Variants in PCDHGB4 observed in about 807,000 individuals in gnomAD.
PCDHGB4 encodes protocadherin gamma subfamily B, 4, also known as protocadherin gamma-B4.
A neutral mutation model predicts 60.5 loss-of-function variants in PCDHGB4; 38 were observed. The ratio of observed to expected loss-of-function variants is 0.63; its 90% CI spans 0.48 to 0.82. PCDHGB4 has a LOEUF of 0.82. PCDHGB4 is among the 40% of genes least tolerant of loss of function. PCDHGB4 has a pLI of 0.00. For missense variants in PCDHGB4, 1,109 were observed against 1,209.6 expected (o/e 0.92, Z 1.23); for synonymous variants, 456 against 509.7 (o/e 0.89, Z 1.42).
chr5:141,427,483 A>G lies in PCDHGB4; in HGVS notation c.2397+37202A>G, dbSNP rs759092057. The G allele has an allele frequency of 1.5e-4, 79 of 535,350 alleles. 2 individuals carry two copies. The highest frequency in any genetic ancestry group is 1.1e-3 in the South Asian group (73 of 65,268). 33.2% of individuals were successfully genotyped at this position (535,350 alleles called of 1,614,324 possible). ...ATCGAATCTTCCGCCAATAATGACT[A>G]TAAGCTTGTAACAGATGGGACCCTG... On this transcript the variant is annotated intron_variant, in intron 1 of 3. Coordinates refer to ENST00000519479, the MANE Select transcript of PCDHGB4 (RefSeq NM_003736.4).
intron 1 of PCDHGB4, chr5:141,404,513 G>A: frequency 1.2e-6 from 2 of 1,613,786 alleles, no homozygotes; most frequent in Non-Finnish European, 1.7e-6. Context: ...GTGCTCCTTT[G>A]ACTATGAGCA....
chr5:141,405,056 T>A (rs770920034), intron 1 of PCDHGB4: 8 of 1,613,836 alleles, frequency 5.0e-6, no homozygotes, highest in Non-Finnish European at 6.8e-6. Context: ...AGTCGTCTCC[T>A]GTGTCTTCCT....
rs774780380 is a variant in PCDHGB4 at position 141,432,864 on chromosome 5, G to C, written c.2397+42583G>C. Reference sequence around the variant, plus strand: ...GTGGTAGCGGTGGCCGCGGTCTCCTGCGTCTTCCTGGCCTTCGTCATCTTG... The same window carrying C: ...GTGGTAGCGGTGGCCGCGGTCTCCTCCGTCTTCCTGGCCTTCGTCATCTTG... On this transcript the variant is annotated intron_variant, in intron 1 of 3. Coordinates refer to ENST00000519479, the MANE Select transcript of PCDHGB4 (RefSeq NM_003736.4). The surrounding 1 kb of genome is among the most constrained non-coding windows in gnomAD (Gnocchi z 6.0). 6.2e-7 allele frequency: 1 copy of C among 1,614,168 alleles called. No homozygotes were observed.
chr5:141,394,865 G>T (rs2093117021), intron 1 of PCDHGB4: 1 of 1,613,816 alleles, frequency 6.2e-7, no homozygotes, highest in Non-Finnish European at 8.5e-7. Flanking sequence ...CGGTCGACCC[G>T]AACGATTCGA....
At chr5:141,461,185 C>T (rs2154567265) in intron 1 of PCDHGB4, among the ~76,000 whole-genome samples, 1 of 152,134 alleles carries the variant, frequency 6.6e-6, no homozygotes, top group East Asian at 1.9e-4. Context: ...AATGGTAGAT[C>T]TGTTTTTTGC....
intron 1 of PCDHGB4, among the ~76,000 whole-genome samples, chr5:141,459,111 A>G (rs2098961190): frequency 1.3e-5 from 2 of 152,218 alleles, no homozygotes; most frequent in Non-Finnish European, 2.9e-5. Flanking sequence ...CATTTTGACA[A>G]TTGTTTACAT....
At chr5:141,443,547 T>C (rs1210940890) in intron 1 of PCDHGB4, among the ~76,000 whole-genome samples, 2 of 152,192 alleles carry the variant, frequency 1.3e-5, no homozygotes, top group Non-Finnish European at 2.9e-5. Context: ...TGGGAAATTG[T>C]TCCAATTCAA....
At chr5:141,419,084 G>A in intron 1 of PCDHGB4, 2 of 1,613,920 alleles carry the variant, frequency 1.2e-6, no homozygotes, top group Non-Finnish European at 1.7e-6. Flanking sequence ...AACAGATGAG[G>A]CCCTGGATCG....
chr5:141,450,900 C>T (rs907024071), intron 1 of PCDHGB4, among the ~76,000 whole-genome samples: 9 of 151,048 alleles, frequency 6.0e-5, no homozygotes, highest in Non-Finnish European at 1.2e-4. Flanking sequence ...TATCGGCTCA[C>T]TGCAACCGCT....
Position 141,512,270 on chromosome 5 carries a change from G to C in PCDHGB4, c.*1097G>C, listed in dbSNP as rs1188941232. On this transcript the variant is annotated 3_prime_UTR_variant, in exon 4 of 4. Transcript: ENST00000519479. ...TCTGTGGGTGCTGGGTACTCCAGAG[G>C]TGCCACTGGTGGAAGGGTCAGCGGA... 6.5e-6 allele frequency: 1 copy of C among 152,714 alleles called. No homozygotes were observed. The highest frequency in any genetic ancestry group is 2.4e-5 in the African/African-American group (1 of 41,452). The allele number at this position is 152,714 out of a possible 1,614,324, so 9.5% of individuals were successfully genotyped here. A position where few individuals can be genotyped will look rare whatever the true frequency, so the allele number is the denominator to read the frequency against.
At chr5:141,409,434 A>T in intron 1 of PCDHGB4, 2 of 1,613,992 alleles carry the variant, frequency 1.2e-6, no homozygotes, top group Non-Finnish European at 1.7e-6. Context: ...GGAGCCCTGG[A>T]CCGAGAGCAG....
At chr5:141,467,571 A>G (rs1228156610) in intron 1 of PCDHGB4, among the ~76,000 whole-genome samples, 1 of 152,212 alleles carries the variant, frequency 6.6e-6, no homozygotes, top group South Asian at 2.1e-4. Flanking sequence ...ATGGCTATCC[A>G]GTTGTCCCAA....
rs756332070 is a variant in PCDHGB4, at chr5:141,431,578, C to A, written c.2397+41297C>A. The stretch of plus-strand genomic sequence containing the variant: ...ACGCTACCGACCCTGACGAAGGAGT[C>A]AATGCGGAAGTGAGGTATTCCTTCC... On this transcript the variant is annotated intron_variant, in intron 1 of 3. Transcript: ENST00000519479. This position sits in a 1 kb window ranked among gnomAD's most constrained non-coding sequence, Gnocchi z 4.8. 6.2e-7 allele frequency: 1 copy of A among 1,614,164 alleles called. No homozygotes were observed. Among genetic ancestry groups the A allele is most frequent in the African/African-American group, 1.3e-5 (1 of 75,060 alleles).
At chr5:141,496,583 C>A (rs990137003) in intron 2 of PCDHGB4, among the ~76,000 whole-genome samples, 1 of 152,168 alleles carries the variant, frequency 6.6e-6, no homozygotes, top group African/African-American at 2.4e-5. Flanking sequence ...TTTAGGAACG[C>A]AAAGCGCTTC....
rs1252377833 is a variant in PCDHGB4, at chr5:141,485,012, G to T, written c.2398-9795G>T. On this transcript the variant is annotated intron_variant, in intron 1 of 3. Coordinates refer to ENST00000519479, the MANE Select transcript of PCDHGB4 (RefSeq NM_003736.4). The surrounding 1 kb of genome is among the most constrained non-coding windows in gnomAD (Gnocchi z 5.7). Reference sequence around the variant, plus strand: ...GGTGAAAGGCAGACAAATCTACCCCGCCACCAGCAAAAACGGCGCGTAACC... The same window carrying T: ...GGTGAAAGGCAGACAAATCTACCCCTCCACCAGCAAAAACGGCGCGTAACC... The T allele has an allele frequency of 1.3e-5, 8 of 630,528 alleles. No individual in the cohort carries two copies. In the Admixed American group the frequency reaches 1.5e-4, roughly 12 times the overall value. 39.1% of individuals were successfully genotyped at this position (630,528 alleles called of 1,614,324 possible).
At chr5:141,408,008 C>A in intron 1 of PCDHGB4, 2 of 949,842 alleles carry the variant, frequency 2.1e-6, no homozygotes, top group Non-Finnish European at 3.0e-6. Context: ...GGATTCCCTG[C>A]GCAGCCAACA....
rs2099619316 is a variant in PCDHGB4, at chr5:141,485,794, C to A, written c.2398-9013C>A. The A allele has an allele frequency of 6.2e-7, 1 of 1,614,120 alleles. No homozygotes were observed. The highest frequency in any genetic ancestry group is 1.1e-5 in the South Asian group (1 of 91,092). On this transcript the variant is annotated intron_variant, in intron 1 of 3. Transcript: ENST00000519479. This position sits in a 1 kb window ranked among gnomAD's most constrained non-coding sequence, Gnocchi z 5.7. ...CTTTGGATCGAGAGAAGCAATCGGA[C>A]TACCGCCTGGTGCTGACTGCTGTCG...
At chr5:141,399,971 T>C in intron 1 of PCDHGB4, 1 of 1,612,208 alleles carries the variant, frequency 6.2e-7, no homozygotes, top group Non-Finnish European at 8.5e-7. Flanking sequence ...CTCTTCAGCC[T>C]GGGGCTGCGC....
chr5:141,441,887 A>G, intron 1 of PCDHGB4: 1 of 344,596 alleles, frequency 2.9e-6, no homozygotes, highest in African/African-American at 2.2e-5. Context: ...CTGGTCACCA[A>G]GGTGGTGGCT....
Sources: allele counts gnomAD v4.1 joint callset (sites outside exome capture counted in the v4.1 genomes callset), GRCh38; gene constraint gnomAD v4.1.1; non-coding constraint Gnocchi (gnomAD v3.1); transcripts MANE v1.5; gene names NCBI Gene and HGNC (gene_info 2026-07-23, HGNC 2026-07-21).